PTPRG: variants seen among roughly 807,000 people sequenced by gnomAD.
PTPRG encodes protein tyrosine phosphatase receptor type G, also known as receptor-type tyrosine-protein phosphatase gamma.
PTPRG carries 102 observed loss-of-function variants against 165.3 expected under a neutral mutation model. The ratio of observed to expected loss-of-function variants is 0.62; its 90% CI spans 0.53 to 0.73. PTPRG has a LOEUF of 0.73. PTPRG is among the 30% of genes least tolerant of loss of function. The pLI, the probability that PTPRG is intolerant of heterozygous loss-of-function variation, is 0.00. For synonymous variants in PTPRG, 675 were observed against 669.5 expected, an observed-to-expected ratio of 1.01 and a Z score of -0.13; for missense variants, 1,866 against 1,861.4, an observed-to-expected ratio of 1.00 and a Z score of -0.05.
intron 2 of PTPRG, among the ~76,000 whole-genome samples, chr3:61,964,465 A>C (rs1479395): frequency 0.24 from 36,380 of 152,050 alleles, 4,999 homozygotes; most frequent in African/African-American, 0.37. Context: ...TGGGGTTATG[A>C]GTTAATGACC....
At chr3:61,753,585 G>GTGTTTTTTTT in intron 2 of PTPRG, 1 of 362,970 alleles carries the variant, frequency 2.8e-6, no homozygotes, top group Non-Finnish European at 5.2e-6. Flanking sequence ...AAATTTGAGG[G>GTGTTTTTTTT]TTTTTTTTTT....
In PTPRG at chr3:62,282,692, A is replaced by C. The variant is rs1702499064; in HGVS notation, c.3913-35A>C. ...ATTAGATTGTAGATATGTGAAATAA[A>C]GGAAGGGATTTGACCCATGTTGTAT... On this transcript the variant is annotated intron_variant, in intron 27 of 29. Coordinates refer to ENST00000474889, the MANE Select transcript of PTPRG (RefSeq NM_002841.4). The C allele has an allele frequency of 5.1e-6, 8 of 1,574,950 alleles. No homozygotes were observed. The East Asian group carries it at 1.8e-4, about 36-fold the overall frequency.
intron 5 of PTPRG, among the ~76,000 whole-genome samples, chr3:62,086,325 C>G (rs1701752068): frequency 6.7e-6 from 1 of 149,926 alleles, no homozygotes; most frequent in Admixed American, 6.7e-5. Flanking sequence ...GAAACAAGGG[C>G]CTTTAACTCT....
chr3:61,569,671 C>T (rs778897108), intron 1 of PTPRG, among the ~76,000 whole-genome samples: 2 of 151,920 alleles, frequency 1.3e-5, no homozygotes, highest in East Asian at 1.9e-4. Flanking sequence ...GGAAAGCGGA[C>T]GGTGGAACTG....
chr3:61,623,637 A>G (rs1482150804), intron 1 of PTPRG, among the ~76,000 whole-genome samples: 2 of 152,180 alleles, frequency 1.3e-5, no homozygotes, highest in Non-Finnish European at 2.9e-5. Context: ...GATATTATCT[A>G]AAATTGGGAA....
intron 23 of PTPRG, among the ~76,000 whole-genome samples, chr3:62,274,808 A>T (rs1702180801): frequency 1.3e-5 from 2 of 152,214 alleles, no homozygotes; most frequent in Non-Finnish European, 2.9e-5. Flanking sequence ...GAGATAATTA[A>T]TAATGAGGAC....
At chr3:62,166,091 A>G (rs73840229) in intron 7 of PTPRG, among the ~76,000 whole-genome samples, 9,699 of 151,352 alleles carry the variant, frequency 0.064, 1,001 homozygotes, top group African/African-American at 0.22. Context: ...CTTATTTGGC[A>G]CCAGAGGATC....
At chr3:61,686,570 A>G (rs931360587) in intron 1 of PTPRG, among the ~76,000 whole-genome samples, 1 of 152,254 alleles carries the variant, frequency 6.6e-6, no homozygotes, top group Non-Finnish European at 1.5e-5. Flanking sequence ...GTACTTGGCC[A>G]CAGTGCAAAA....
At chr3:61,572,041 TG>T (rs1464246429) in intron 1 of PTPRG, among the ~76,000 whole-genome samples, 1 of 152,226 alleles carries the variant, frequency 6.6e-6, no homozygotes, top group African/African-American at 2.4e-5. Context: ...ATGGTCTTTT[TG>T]CAGTATGCAA....
intron 15 of PTPRG, among the ~76,000 whole-genome samples, chr3:62,246,381 A>G (rs1399079060): frequency 6.6e-6 from 1 of 152,206 alleles, no homozygotes; most frequent in East Asian, 1.9e-4. Context: ...CCCTTAACTG[A>G]GAGTTACCCT....
At chr3:61,861,791 C>T (rs2107405796) in intron 2 of PTPRG, among the ~76,000 whole-genome samples, 1 of 152,298 alleles carries the variant, frequency 6.6e-6, no homozygotes. Context: ...CAGTAGGGCA[C>T]TTAATGCATG....
intron 1 of PTPRG, among the ~76,000 whole-genome samples, chr3:61,740,799 A>C (rs909827909): frequency 6.6e-6 from 1 of 152,156 alleles, no homozygotes; most frequent in Non-Finnish European, 1.5e-5. Context: ...AAGGTGATGA[A>C]AAAAACTTTT....
intron 1 of PTPRG, among the ~76,000 whole-genome samples, chr3:61,649,486 G>T (rs1418820268): frequency 6.6e-6 from 1 of 152,148 alleles, no homozygotes; most frequent in Non-Finnish European, 1.5e-5. Context: ...GACCTCTCAT[G>T]CAGAAGTGGA....
intron 2 of PTPRG, among the ~76,000 whole-genome samples, chr3:61,955,791 A>T (rs1178448015): frequency 6.6e-6 from 1 of 152,188 alleles, no homozygotes; most frequent in Non-Finnish European, 1.5e-5. Flanking sequence ...AGATATCTCT[A>T]TGTGTATACT....
At chr3:61,962,967 G>A (rs1231599466) in intron 2 of PTPRG, among the ~76,000 whole-genome samples, 1 of 152,112 alleles carries the variant, frequency 6.6e-6, no homozygotes, top group Non-Finnish European at 1.5e-5. Context: ...ATGTAAAAAG[G>A]TATATGCAGA....
chr3:62,016,796 C>G (rs138994960), intron 4 of PTPRG, among the ~76,000 whole-genome samples: 24 of 152,296 alleles, frequency 1.6e-4, no homozygotes, highest in African/African-American at 5.8e-4. Flanking sequence ...GGCTTCTACT[C>G]TCCCTCATTC....
chr3:62,248,948 A>T (rs979945252), intron 15 of PTPRG, among the ~76,000 whole-genome samples: 2 of 152,218 alleles, frequency 1.3e-5, no homozygotes, highest in Non-Finnish European at 2.9e-5. Context: ...CATGCAGTTT[A>T]AAACCCTTGG....
At position 61,580,276 on chromosome 3, in the gene PTPRG, A is replaced by G. The variant is rs372632763; in HGVS notation, c.85+17904A>G. On this transcript the variant is annotated intron_variant, in intron 1 of 29. Coordinates refer to ENST00000474889, the MANE Select transcript of PTPRG (RefSeq NM_002841.4). ...GGGCAACATGGCGAGACCCTATCTC[A>G]AACAAACAAAATTAAAAAACAAACA... is the stretch of plus-strand genomic sequence containing the variant. Among the ~76,000 whole-genome samples, 2 of 152,300 alleles carry G rather than the reference A, an allele frequency of 1.3e-5. 1 individual carries two copies.
intron 9 of PTPRG, among the ~76,000 whole-genome samples, chr3:62,193,245 A>C (rs1250843275): frequency 6.6e-6 from 1 of 152,240 alleles, no homozygotes; most frequent in East Asian, 1.9e-4. Context: ...AAAGATGAAT[A>C]GATACCGTCT....
Sources: gnomAD v4.1 joint callset for allele counts (sites outside exome capture counted in the v4.1 genomes callset) on GRCh38, gnomAD v4.1.1 for gene constraint, MANE v1.5 for transcripts, NCBI Gene and HGNC (gene_info 2026-07-23, HGNC 2026-07-21) for gene names.